The following PCDHGA3 variants were observed in gnomAD, a reference collection of about 807,000 sequenced individuals.
PCDHGA3 encodes protocadherin gamma subfamily A, 3.
Under a neutral mutation model 58.5 loss-of-function variants are expected in PCDHGA3, and 40 were observed. The ratio of observed to expected loss-of-function variants is 0.68; its 90% CI spans 0.53 to 0.89. The LOEUF (loss-of-function observed/expected upper bound fraction) is 0.89. Ranked by LOEUF, PCDHGA3 falls within the 40% of genes least tolerant of loss-of-function variation. The pLI is 0.00. For synonymous variants in PCDHGA3, 530 were observed against 525.7 expected (o/e 1.01, Z -0.11); for missense variants, 1,223 against 1,195.9 (o/e 1.02, Z -0.33).
At chr5:141,381,178 G>A (rs1267503052) in intron 1 of PCDHGA3, among the ~76,000 whole-genome samples, 1 of 152,222 alleles carries the variant, frequency 6.6e-6, no homozygotes, top group African/African-American at 2.4e-5. Flanking sequence ...CCCACAAAAC[G>A]AAGTTAAGCT....
rs1561663429 is a variant in PCDHGA3 at position 141,398,237 on chromosome 5, T to C, written c.2424+51780T>C. 4.1e-6 allele frequency: 6 copies of C among 1,479,416 alleles called. No homozygotes were observed. In the African/African-American group the frequency reaches 8.6e-5, roughly 21 times the overall value. The allele number at this position is 1,479,416 out of a possible 1,614,324, so 91.6% of individuals were successfully genotyped here. ...CTCTGTGAGCAGATCCGCTACAGGA[T>C]TCCCGAGGAAATGCCCAAGGGCTCC... On this transcript the variant is annotated intron_variant, in intron 1 of 3. Transcript: ENST00000253812.
chr5:141,356,537 A>G lies in PCDHGA3; in HGVS notation c.2424+10080A>G, dbSNP rs749492777. 49 of 1,614,028 alleles carry G rather than the reference A, an allele frequency of 3.0e-5. No individual in the cohort carries two copies. The Admixed American group carries it at 5.7e-4, about 19-fold the overall frequency. On this transcript the variant is annotated intron_variant, in intron 1 of 3. Transcript: ENST00000253812. ...ATTTCACTGCAAGTGATGGACATCAATGACAACCCACCCACTTTCCCTCAT... is the reference window on the plus strand; with the variant it reads ...ATTTCACTGCAAGTGATGGACATCAGTGACAACCCACCCACTTTCCCTCAT...
intron 1 of PCDHGA3, chr5:141,390,668 A>C: frequency 5.2e-6 from 1 of 191,616 alleles, no homozygotes; most frequent in South Asian, 1.1e-4. Flanking sequence ...ATAAATATAA[A>C]AATAATAAAG....
At chr5:141,418,328 G>A (rs1298044571) in intron 1 of PCDHGA3, 1 of 1,614,002 alleles carries the variant, frequency 6.2e-7, no homozygotes, top group Non-Finnish European at 8.5e-7. Flanking sequence ...TCTTGAGTCT[G>A]CAGAAGATCC....
chr5:141,504,077 G>A (rs939470644), intron 2 of PCDHGA3, among the ~76,000 whole-genome samples: 3 of 152,124 alleles, frequency 2.0e-5, no homozygotes, highest in Non-Finnish European at 2.9e-5. Context: ...GCCAGATGGT[G>A]CCAAACAGTT....
chr5:141,352,582 G>A (rs1759052169), intron 1 of PCDHGA3: 1 of 1,613,900 alleles, frequency 6.2e-7, no homozygotes. Context: ...CTCCCCCTCA[G>A]GATCTGCTGT....
chr5:141,451,182 C>T (rs2154563496), intron 1 of PCDHGA3, among the ~76,000 whole-genome samples: 1 of 152,226 alleles, frequency 6.6e-6, no homozygotes, highest in Non-Finnish European at 1.5e-5. Flanking sequence ...TTAGCCATTG[C>T]TGTGTAACAA....
chr5:141,381,768 C>T (rs1777418616), intron 1 of PCDHGA3, among the ~76,000 whole-genome samples: 1 of 150,172 alleles, frequency 6.7e-6, no homozygotes, highest in Non-Finnish European at 1.5e-5. Context: ...ACTATATAAT[C>T]AATAATCAGG....
chr5:141,467,781 C>T (rs2099151581), intron 1 of PCDHGA3, among the ~76,000 whole-genome samples: 1 of 152,228 alleles, frequency 6.6e-6, no homozygotes, highest in South Asian at 2.1e-4. Context: ...ACCTCAGCCT[C>T]TCAAGTAGCT....
rs1391608601 is a variant in PCDHGA3 at position 141,511,893 on chromosome 5, A to G, written c.*720A>G. The G allele has an allele frequency of 6.4e-6, 1 of 155,062 alleles. No homozygotes were observed. Among genetic ancestry groups the G allele is most frequent in the East Asian group, 1.9e-4 (1 of 5,240 alleles). 9.6% of individuals were successfully genotyped at this position (155,062 alleles called of 1,614,324 possible). A position where few individuals can be genotyped will look rare whatever the true frequency, so the allele number is the denominator to read the frequency against. On this transcript the variant is annotated 3_prime_UTR_variant, in exon 4 of 4. Transcript: ENST00000253812. ...TCCACTGCATGCCTTGACTTCCCCC[A>G]CCTCCTCCTCAAACAAGAGACTCCA...
chr5:141,375,211 T>G, intron 1 of PCDHGA3: 1 of 1,614,010 alleles, frequency 6.2e-7, no homozygotes, highest in Non-Finnish European at 8.5e-7. Flanking sequence ...ATCGAGACTC[T>G]GGCCTGAATG....
chr5:141,417,771 C>G, intron 1 of PCDHGA3: 1 of 1,456,488 alleles, frequency 6.9e-7, no homozygotes, highest in Non-Finnish European at 9.1e-7. Flanking sequence ...CGGGACTCCT[C>G]CTGTCCTGGG....
chr5:141,394,451 G>A (rs774912185), intron 1 of PCDHGA3: 1 of 1,614,118 alleles, frequency 6.2e-7, no homozygotes, highest in Non-Finnish European at 8.5e-7. Flanking sequence ...GCAGCAACAT[G>A]TCACTGAGCC....
Position 141,343,863 on chromosome 5 carries a change from C to G in PCDHGA3, c.-171C>G. 3 of 564,686 alleles carry G rather than the reference C, an allele frequency of 5.3e-6. No homozygotes were observed. Among genetic ancestry groups the G allele is most frequent in the South Asian group, 3.3e-5 (1 of 30,488 alleles). 35.0% of individuals were successfully genotyped at this position (564,686 alleles called of 1,614,324 possible). ...TTGCTCCTAAAATGCAAAGAACCAG[C>G]AAATCAGACTCAGAAGATCCGGGGC... On this transcript the variant is annotated 5_prime_UTR_variant, in exon 1 of 4. Transcript: ENST00000253812.
intron 1 of PCDHGA3, chr5:141,393,482 T>G (rs116240246): frequency 4.3e-6 from 7 of 1,614,070 alleles, no homozygotes; most frequent in Middle Eastern, 1.6e-4. Context: ...CGCCTCGCTC[T>G]AGCACAGTGC....
At chr5:141,356,053 A>G (rs1221177525) in intron 1 of PCDHGA3, 1 of 1,613,968 alleles carries the variant, frequency 6.2e-7, no homozygotes, top group Non-Finnish European at 8.5e-7. Flanking sequence ...CCGGAAAGTA[A>G]GAGACAAAAT....
chr5:141,413,235 C>A, intron 1 of PCDHGA3: 1 of 1,613,954 alleles, frequency 6.2e-7, no homozygotes, highest in Non-Finnish European at 8.5e-7. Context: ...TGGTCCTGCT[C>A]TGCCTTTTCT....
chr5:141,501,335 C>CA (rs2099808433), intron 2 of PCDHGA3, among the ~76,000 whole-genome samples: 1 of 135,634 alleles, frequency 7.4e-6, no homozygotes, highest in Non-Finnish European at 1.6e-5. Context: ...ACACACACAC[C>CA]CCAAACTCAA....
rs62378448 is a variant in PCDHGA3, at chr5:141,400,064, G to C, written c.2424+53607G>C. On this transcript the variant is annotated intron_variant, in intron 1 of 3. Transcript: ENST00000253812. ...CTGCTGGTTGCTGTGCGTGATGGTG[G>C]ACAGCCGCCACTCTCCGCCACCGCC... The C allele has an allele frequency of 7.6e-4, 1,225 of 1,613,770 alleles. No homozygotes were observed. The highest frequency in any genetic ancestry group is 9.7e-4 in the Non-Finnish European group (1,150 of 1,179,858).
Sources: gnomAD v4.1 joint callset for allele counts (sites outside exome capture counted in the v4.1 genomes callset) on GRCh38, gnomAD v4.1.1 for gene constraint, MANE v1.5 for transcripts, NCBI Gene and HGNC (gene_info 2026-07-23, HGNC 2026-07-21) for gene names.